TMEM132D: variants seen among roughly 807,000 people sequenced by gnomAD.
The protein encoded by TMEM132D is mature OL transmembrane protein.
A neutral mutation model predicts 62.3 loss-of-function variants in TMEM132D; 21 were observed. The observed-to-expected ratio is 0.34, with a 90% CI of 0.24 to 0.49. The LOEUF is 0.49. Among genes scored for constraint, TMEM132D ranks in the 20% least tolerant of loss-of-function variants. The pLI is 0.99. For missense variants in TMEM132D, 1,346 were observed against 1,402.8 expected, an observed-to-expected ratio of 0.96 and a Z score of 0.65; for synonymous variants, 621 against 575.6, an observed-to-expected ratio of 1.08 and a Z score of -1.13.
At chr12:129,459,063 G>C (rs1289770009) in intron 3 of TMEM132D, among the ~76,000 whole-genome samples, 1 of 152,190 alleles carries the variant, frequency 6.6e-6, no homozygotes, top group Non-Finnish European at 1.5e-5. Context: ...GTGCTCAGCG[G>C]GTTGTAATGG....
intron 4 of TMEM132D, among the ~76,000 whole-genome samples, chr12:129,291,281 T>G (rs754820766): frequency 6.6e-6 from 1 of 152,304 alleles, no homozygotes; most frequent in Non-Finnish European, 1.5e-5. Context: ...AATAATGAGG[T>G]TTCATCTTCC....
intron 5 of TMEM132D, among the ~76,000 whole-genome samples, chr12:129,148,848 C>G (rs1876989894): frequency 6.7e-6 from 1 of 149,606 alleles, no homozygotes; most frequent in South Asian, 2.2e-4. Context: ...CCCAAGAGGA[C>G]ATCCCTGAGG....
intron 3 of TMEM132D, among the ~76,000 whole-genome samples, chr12:129,466,279 CTTTTTTTTT>C (rs551019541): frequency 5.0e-5 from 5 of 100,388 alleles, no homozygotes; most frequent in African/African-American, 1.9e-4. Flanking sequence ...TAGATTTTTC[CTTTTTTTTT>C]TTTTTTTTTT....
chr12:129,338,599 G>T (rs941935984), intron 3 of TMEM132D, among the ~76,000 whole-genome samples: 2 of 152,138 alleles, frequency 1.3e-5, no homozygotes, highest in African/African-American at 4.8e-5. Context: ...GCCTGCCTCT[G>T]CCTGAAAAGG....
chr12:129,317,002 CCTTT>C (rs1026240484), intron 4 of TMEM132D, among the ~76,000 whole-genome samples: 2 of 152,006 alleles, frequency 1.3e-5, no homozygotes, highest in African/African-American at 4.8e-5. Flanking sequence ...GTATGACACT[CCTTT>C]ACTTTAAGTT....
At position 129,903,485 on chromosome 12, in the gene TMEM132D, C is replaced by G; in HGVS notation, c.-146G>C. 2.6e-6 allele frequency: 2 copies of G among 761,500 alleles called. No individual in the cohort carries two copies. Among genetic ancestry groups the G allele is most frequent in the Non-Finnish European group, 4.2e-6 (2 of 473,376 alleles). The allele number at this position is 761,500 out of a possible 1,614,324, so 47.2% of individuals were successfully genotyped here. On this transcript the variant is annotated 5_prime_UTR_variant, in exon 1 of 9. Coordinates refer to ENST00000422113, the MANE Select transcript of TMEM132D (RefSeq NM_133448.3). The surrounding 1 kb of genome is among the most constrained non-coding windows in gnomAD (Gnocchi z 6.2). ...CCGAGCAGCCCGGGCGCCCTGCTCC[C>G]TCTTCCCGCCAGTCCATGGCCAGGC...
At chr12:129,245,331 C>T (rs1271445556) in intron 4 of TMEM132D, among the ~76,000 whole-genome samples, 2 of 152,184 alleles carry the variant, frequency 1.3e-5, no homozygotes, top group African/African-American at 4.8e-5. Flanking sequence ...TTTAGACTGG[C>T]TTCTTCCACT....
chr12:129,859,441 TACA>T (rs1219312480), intron 1 of TMEM132D, among the ~76,000 whole-genome samples: 2 of 152,238 alleles, frequency 1.3e-5, no homozygotes, highest in African/African-American at 2.4e-5. Flanking sequence ...ATTTTAAAAT[TACA>T]ACATGTGATG....
intron 5 of TMEM132D, among the ~76,000 whole-genome samples, chr12:129,188,596 G>A (rs555215958): frequency 6.6e-6 from 1 of 152,308 alleles, no homozygotes; most frequent in Non-Finnish European, 1.5e-5. Context: ...TTGGTCCCCA[G>A]TGGGCTTGTG....
At chr12:129,804,045 T>C (rs1035534324) in intron 1 of TMEM132D, among the ~76,000 whole-genome samples, 2 of 98,290 alleles carry the variant, frequency 2.0e-5, no homozygotes, top group Non-Finnish European at 4.3e-5. Flanking sequence ...GTGGCAATAA[T>C]CAATAGCTTA....
At chr12:129,706,984 C>A (rs1385728766) in intron 1 of TMEM132D, among the ~76,000 whole-genome samples, 1 of 151,214 alleles carries the variant, frequency 6.6e-6, no homozygotes, top group Non-Finnish European at 1.5e-5. Flanking sequence ...TCAATAGTAT[C>A]ATTATTAAAC....
intron 5 of TMEM132D, among the ~76,000 whole-genome samples, chr12:129,153,650 T>G (rs553083430): frequency 4.6e-5 from 7 of 152,276 alleles, no homozygotes; most frequent in Admixed American, 1.3e-4. Flanking sequence ...TAAGTGACTT[T>G]TGAGAACTCC....
At chr12:129,807,628 T>C (rs1361140778) in intron 1 of TMEM132D, among the ~76,000 whole-genome samples, 1 of 152,206 alleles carries the variant, frequency 6.6e-6, no homozygotes, top group East Asian at 1.9e-4. Context: ...TAAGAGACGA[T>C]GCGTTGATTG....
intron 3 of TMEM132D, among the ~76,000 whole-genome samples, chr12:129,386,931 C>T (rs950113649): frequency 6.6e-6 from 1 of 152,080 alleles, no homozygotes; most frequent in African/African-American, 2.4e-5. Context: ...AACACCAATG[C>T]CGATGCCAAC....
chr12:129,344,067 G>A (rs540248800), intron 3 of TMEM132D, among the ~76,000 whole-genome samples: 2 of 152,186 alleles, frequency 1.3e-5, no homozygotes, highest in Admixed American at 6.5e-5. Context: ...TAGGGTGGAC[G>A]CCTTCCTCCT....
At chr12:129,664,587 G>A (rs574160775) in intron 2 of TMEM132D, among the ~76,000 whole-genome samples, 39 of 152,004 alleles carry the variant, frequency 2.6e-4, no homozygotes, top group African/African-American at 8.7e-4. Context: ...ACCACGCCCA[G>A]CTAATTTTTT....
At chr12:129,754,576 G>A (rs1870104973) in intron 1 of TMEM132D, among the ~76,000 whole-genome samples, 1 of 152,166 alleles carries the variant, frequency 6.6e-6, no homozygotes. Context: ...GTTAGTCATG[G>A]CTGAGATCAG....
chr12:129,356,940 G>GAGA (rs1357847619), intron 3 of TMEM132D, among the ~76,000 whole-genome samples: 5 of 143,586 alleles, frequency 3.5e-5, no homozygotes, highest in African/African-American at 1.3e-4. Context: ...GAGAGGGGAG[G>GAGA]GGAGGGGAGG....
intron 1 of TMEM132D, among the ~76,000 whole-genome samples, chr12:129,740,816 T>G (rs1379642251): frequency 6.6e-6 from 1 of 152,230 alleles, no homozygotes; most frequent in East Asian, 1.9e-4. Context: ...GATATAGAGC[T>G]CACACTGATA....
Sources: allele counts gnomAD v4.1 joint callset (sites outside exome capture counted in the v4.1 genomes callset), GRCh38; gene constraint gnomAD v4.1.1; non-coding constraint Gnocchi (gnomAD v3.1); transcripts MANE v1.5; gene names NCBI Gene and HGNC (gene_info 2026-07-23, HGNC 2026-07-21).